Variants in F2R observed in about 807,000 individuals in gnomAD.
F2R encodes coagulation factor II thrombin receptor.
In F2R, 12 loss-of-function variants were observed where a neutral mutation model predicts 18.3. The observed-to-expected ratio is 0.66, with a 90% CI of 0.42 to 1.06. The LOEUF is 1.06. Ranked by LOEUF, F2R falls within the 50% of genes least tolerant of loss-of-function variation. The pLI, the probability that F2R is intolerant of heterozygous loss-of-function variation, is 0.00. For synonymous variants in F2R, 210 were observed against 219.9 expected (o/e 0.95, Z 0.40); for missense variants, 438 against 530.8 (o/e 0.83, Z 1.72).
intron 1 of F2R, among the ~76,000 whole-genome samples, chr5:76,729,730 A>G (rs1748634966): frequency 6.6e-6 from 1 of 152,198 alleles, no homozygotes; most frequent in Admixed American, 6.6e-5. Flanking sequence ...ACTTTTGTGT[A>G]TATTGGTTGG....
At chr5:76,722,741 A>G (rs1748488445) in intron 1 of F2R, among the ~76,000 whole-genome samples, 1 of 152,172 alleles carries the variant, frequency 6.6e-6, no homozygotes, top group African/African-American at 2.4e-5. Context: ...ACTTAAGGTC[A>G]GGAGTTGGAG....
intron 1 of F2R, among the ~76,000 whole-genome samples, chr5:76,720,846 T>C (rs984521607): frequency 3.3e-5 from 5 of 152,174 alleles, no homozygotes; most frequent in Non-Finnish European, 7.3e-5. Context: ...CTAGGTGTCT[T>C]ACTCAGGCTG....
In F2R at chr5:76,732,531, A is replaced by G; in HGVS notation, c.306A>G (p.Thr102=). The change falls in exon 2 of 2, where the codon ACA becomes ACG. Residue 102 remains threonine, a synonymous_variant. Transcript: ENST00000319211. ...GATATTTGACCAGCTCCTGGCTGAC[A>G]CTCTTTGTCCCATCTGTGTACACCG... ...ASGYLTSSWL[T]LFVPSVYTGV... 2 of 1,613,956 alleles carry G rather than the reference A, an allele frequency of 1.2e-6. No homozygotes were observed. Among genetic ancestry groups the G allele is most frequent in the Non-Finnish European group, 1.7e-6 (2 of 1,179,988 alleles).
intron 1 of F2R, among the ~76,000 whole-genome samples, chr5:76,726,175 A>G (rs922454879): frequency 6.6e-6 from 1 of 151,882 alleles, no homozygotes; most frequent in South Asian, 2.1e-4. Flanking sequence ...GGATCACTTG[A>G]GGCCAGGAGC....
In F2R at chr5:76,733,220, T is replaced by G; in HGVS notation, c.995T>G (p.Leu332Arg). The G allele has an allele frequency of 6.2e-7, 1 of 1,614,176 alleles. No homozygotes were observed. The change falls in exon 2 of 2, where the codon CTC (leucine) becomes CGC (arginine). Residue 332 changes from leucine (L) to arginine (R), a missense_variant. Leu to Arg is a moderately radical substitution (Grantham distance 102). Transcript: ENST00000319211. Reference protein sequence around the residue: ...FIICFGPTNVLLIAHYSFLSH... With the variant: ...FIICFGPTNVRLIAHYSFLSH... Reference sequence around the variant, plus strand: ...ATTTGCTTCGGACCCACAAACGTCCTCCTGATTGCGCATTACTCATTCCTT... The same window carrying G: ...ATTTGCTTCGGACCCACAAACGTCCGCCTGATTGCGCATTACTCATTCCTT...
In F2R at chr5:76,718,678, G is replaced by T. The variant is rs191331818; in HGVS notation, c.88+2283G>T. On this transcript the variant is annotated intron_variant, in intron 1 of 1. Transcript: ENST00000319211. ...GACTAAAACAAATGTTCACTCAGCA[G>T]ATAGTTGTTGAGAAATGTGTAAATT... is the stretch of plus-strand genomic sequence containing the variant. Among the ~76,000 whole-genome samples, 327 of 152,346 alleles carry T rather than the reference G, an allele frequency of 2.1e-3. 2 individuals carry two copies. The highest frequency in any genetic ancestry group is 2.8e-4 in the Non-Finnish European group (19 of 68,042).
intron 1 of F2R, among the ~76,000 whole-genome samples, chr5:76,720,405 G>A (rs149496245): frequency 3.3e-5 from 5 of 152,244 alleles, no homozygotes; most frequent in African/African-American, 4.8e-5. Flanking sequence ...CTACACTCCA[G>A]CCTGGGCAAC....
chr5:76,722,254 A>T (rs1454056545), intron 1 of F2R, among the ~76,000 whole-genome samples: 2 of 152,220 alleles, frequency 1.3e-5, no homozygotes, highest in Non-Finnish European at 2.9e-5. Flanking sequence ...ACTGTGAATT[A>T]GTTTTCATTT....
At chr5:76,720,646 C>G (rs1187934935) in intron 1 of F2R, among the ~76,000 whole-genome samples, 1 of 152,040 alleles carries the variant, frequency 6.6e-6, no homozygotes, top group South Asian at 2.1e-4. Context: ...CGAAAGGAAA[C>G]CAGTAAGCAG....
In F2R at chr5:76,734,636, T is replaced by C. The variant is rs1404623825; in HGVS notation, c.*1133T>C. On this transcript the variant is annotated 3_prime_UTR_variant, in exon 2 of 2. Coordinates refer to ENST00000319211, the MANE Select transcript of F2R (RefSeq NM_001992.5). ...CCATTATGCGCTGTGGCCACTCCAA[T>C]AGGTGCTGAGTGTACAGAGTGGAAT... 6.6e-6 allele frequency: 1 copy of C among 152,250 alleles called. No homozygotes were observed. The highest frequency in any genetic ancestry group is 1.9e-4 in the East Asian group (1 of 5,280). 9.4% of individuals were successfully genotyped at this position (152,250 alleles called of 1,614,324 possible). A position where few individuals can be genotyped will look rare whatever the true frequency, so the allele number is the denominator to read the frequency against.
At chr5:76,728,465 C>A (rs1748610945) in intron 1 of F2R, among the ~76,000 whole-genome samples, 1 of 152,120 alleles carries the variant, frequency 6.6e-6, no homozygotes. Flanking sequence ...TCGGTGCCTG[C>A]CATATTTCAC....
intron 1 of F2R, among the ~76,000 whole-genome samples, chr5:76,731,092 G>A (rs1418680497): frequency 6.6e-6 from 1 of 152,178 alleles, no homozygotes; most frequent in East Asian, 1.9e-4. Context: ...CTGCTCTGCT[G>A]ACCTGCTCAG....
At chr5:76,722,810 G>A (rs759107678) in intron 1 of F2R, among the ~76,000 whole-genome samples, 2 of 152,068 alleles carry the variant, frequency 1.3e-5, no homozygotes, top group Non-Finnish European at 2.9e-5. Flanking sequence ...AATTAGCCGG[G>A]CATGGTGGTG....
intron 1 of F2R, chr5:76,716,852 G>A (rs1356738988): frequency 1.9e-6 from 1 of 523,064 alleles, no homozygotes; most frequent in East Asian, 3.4e-5. Context: ...CATTTTACAG[G>A]CGAGAAAAGT....
rs550783852 is a variant in F2R, at chr5:76,716,645, A to G, written c.88+250A>G. 14 of 743,634 alleles carry G rather than the reference A, an allele frequency of 1.9e-5. No individual in the cohort carries two copies. The African/African-American group carries it at 2.1e-4, about 11-fold the overall frequency. The allele number at this position is 743,634 out of a possible 1,614,324, so 46.1% of individuals were successfully genotyped here. A position where few individuals can be genotyped will look rare whatever the true frequency, so the allele number is the denominator to read the frequency against. ...GCCCGCCTGCCACGGGGTGTTGGAT[A>G]TGGAGGAGGATGGAGCGGAAGCCCC... On this transcript the variant is annotated intron_variant, in intron 1 of 1. Transcript: ENST00000319211.
chr5:76,727,763 C>CTTT (rs201845492), intron 1 of F2R, among the ~76,000 whole-genome samples: 3 of 122,868 alleles, frequency 2.4e-5, no homozygotes, highest in Non-Finnish European at 1.8e-5. Context: ...AAATATTTTT[C>CTTT]TTTTTTTTTT....
intron 1 of F2R, 44 bp from the exon 2 acceptor site, chr5:76,732,270 C>G: frequency 6.9e-7 from 1 of 1,449,706 alleles, no homozygotes; most frequent in Non-Finnish European, 9.3e-7. Context: ...CTTGTTGATG[C>G]GTTCACTTTT....
chr5:76,733,504 G>C lies in F2R; in HGVS notation c.*1G>C. On this transcript the variant is annotated 3_prime_UTR_variant, in exon 2 of 2. Transcript: ENST00000319211. ...CATATACAAAAAGCTGTTAACTTAG[G>C]AAAAGGGACTGCTGGGAGGTTAAAA... The C allele has an allele frequency of 1.2e-6, 2 of 1,601,332 alleles. No homozygotes were observed. The highest frequency in any genetic ancestry group is 1.7e-6 in the Non-Finnish European group (2 of 1,174,240).
rs780978900 is a variant in F2R at position 76,732,519 on chromosome 5, C to T, written c.294C>T (p.Ser98=). The change falls in exon 2 of 2, where the codon AGC becomes AGT. Residue 98 remains serine, a synonymous_variant. Coordinates refer to ENST00000319211, the MANE Select transcript of F2R (RefSeq NM_001992.5). ...AAGATGCCTCCGGATATTTGACCAG[C>T]TCCTGGCTGACACTCTTTGTCCCAT... ...ISEDASGYLT[S]SWLTLFVPSV... 1.1e-5 allele frequency: 18 copies of T among 1,614,180 alleles called. No homozygotes were observed. In the East Asian group the frequency reaches 3.8e-4, roughly 34 times the overall value.
Sources: allele counts gnomAD v4.1 joint callset (sites outside exome capture counted in the v4.1 genomes callset), GRCh38; gene constraint gnomAD v4.1.1; transcripts MANE v1.5; gene names NCBI Gene and HGNC (gene_info 2026-07-23, HGNC 2026-07-21).